Variants in NET1 observed in about 807,000 individuals in gnomAD.
NET1 encodes the protein neuroepithelial cell transforming 1.
Under a neutral mutation model 61.1 loss-of-function variants are expected in NET1, and 42 were observed. That is an observed-to-expected ratio of 0.69 (90% CI 0.54 to 0.89). The LOEUF (loss-of-function observed/expected upper bound fraction) is 0.89. Among genes scored for constraint, NET1 ranks in the 40% least tolerant of loss-of-function variants. NET1 has a pLI of 0.00. For synonymous variants in NET1, 254 were observed against 281.8 expected (o/e 0.90, Z 0.99); for missense variants, 654 against 747.3 (o/e 0.88, Z 1.46).
In NET1 at chr10:5,412,580, C is replaced by G. The variant is rs376475251; in HGVS notation, c.-113C>G. ...TCAAATCCCCGGATGACGGCGGTGGCGGCTGCAGTCCGCTGACAGGCGCTT... is the reference window on the plus strand; with the variant it reads ...TCAAATCCCCGGATGACGGCGGTGGGGGCTGCAGTCCGCTGACAGGCGCTT... On this transcript the variant is annotated 5_prime_UTR_variant, in exon 1 of 12. Coordinates refer to ENST00000355029, the MANE Select transcript of NET1 (RefSeq NM_001047160.3). This position sits in a 1 kb window ranked among gnomAD's most constrained non-coding sequence, Gnocchi z 6.5. 3 of 1,157,820 alleles carry G rather than the reference C, an allele frequency of 2.6e-6. No individual in the cohort carries two copies. The highest frequency in any genetic ancestry group is 1.6e-5 in the African/African-American group (1 of 60,888). 71.7% of individuals were successfully genotyped at this position (1,157,820 alleles called of 1,614,324 possible). A position where few individuals can be genotyped will look rare whatever the true frequency, so the allele number is the denominator to read the frequency against.
chr10:5,446,829 G>A lies in NET1; in HGVS notation c.256-5001G>A, dbSNP rs1433883340. 6.2e-7 allele frequency: 1 copy of A among 1,611,710 alleles called. No homozygotes were observed. Among genetic ancestry groups the A allele is most frequent in the Non-Finnish European group, 8.5e-7 (1 of 1,178,644 alleles). Reference sequence around the variant, plus strand: ...TAAAAGGACCATACGAGTCCTAGATGTCAATAACCAGTCCTTCAGAGAACA... The same window carrying A: ...TAAAAGGACCATACGAGTCCTAGATATCAATAACCAGTCCTTCAGAGAACA... On this transcript the variant is annotated intron_variant, in intron 3 of 11. Transcript: ENST00000355029. This position sits in a 1 kb window ranked among gnomAD's most constrained non-coding sequence, Gnocchi z 5.0.
At chr10:5,413,660 G>A (rs986082121) in intron 1 of NET1, among the ~76,000 whole-genome samples, 6 of 152,138 alleles carry the variant, frequency 3.9e-5, no homozygotes, top group African/African-American at 1.4e-4. Context: ...ATAAGATGAG[G>A]ATTAAGCTAG....
At chr10:5,434,080 A>G (rs1832388083) in intron 3 of NET1, among the ~76,000 whole-genome samples, 1 of 152,082 alleles carries the variant, frequency 6.6e-6, no homozygotes, top group Non-Finnish European at 1.5e-5. Context: ...GTTTCCTTAT[A>G]ATAGTTTTAA....
In NET1 at chr10:5,416,208, G is replaced by A. The variant is rs1832080454; in HGVS notation, c.128+3388G>A. Among the ~76,000 whole-genome samples the A allele has an allele frequency of 6.6e-6, 1 of 152,194 alleles. No homozygotes were observed. The highest frequency in any genetic ancestry group is 2.1e-4 in the South Asian group (1 of 4,828). On this transcript the variant is annotated intron_variant, in intron 1 of 11. Coordinates refer to ENST00000355029, the MANE Select transcript of NET1 (RefSeq NM_001047160.3). The surrounding 1 kb of genome is among the most constrained non-coding windows in gnomAD (Gnocchi z 6.1). ...TCAAAAATCAGTTGACCTTAAGCAT[G>A]AGAGTTTATTTTTAGACTTTGACTT...
intron 3 of NET1, among the ~76,000 whole-genome samples, chr10:5,448,625 A>G (rs1244676818): frequency 2.0e-5 from 3 of 148,488 alleles, no homozygotes; most frequent in East Asian, 4.0e-4. Context: ...TTCATTGAGC[A>G]TGTAAAGCTT....
rs1832611595 is a variant in NET1, at chr10:5,446,539, C to G, written c.256-5291C>G. On this transcript the variant is annotated intron_variant, in intron 3 of 11. Transcript: ENST00000355029. This position sits in a 1 kb window ranked among gnomAD's most constrained non-coding sequence, Gnocchi z 5.0. ...TGAAGTCACGTGGTGGTGGACCCCG[C>G]CCCCAGGGCCCGGTTGGCTGTGGCC... 8.8e-7 allele frequency: 1 copy of G among 1,134,000 alleles called. No homozygotes were observed. The highest frequency in any genetic ancestry group is 4.8e-5 in the Admixed American group (1 of 20,726). 70.2% of individuals were successfully genotyped at this position (1,134,000 alleles called of 1,614,324 possible). A position where few individuals can be genotyped will look rare whatever the true frequency, so the allele number is the denominator to read the frequency against.
chr10:5,419,239 A>T (rs1832128141), intron 1 of NET1, among the ~76,000 whole-genome samples: 1 of 151,566 alleles, frequency 6.6e-6, no homozygotes, highest in Non-Finnish European at 1.5e-5. Context: ...TTATCCCTTT[A>T]TTTTCAAGCT....
In NET1 at chr10:5,453,974, A is replaced by G. The variant is rs1233181037; in HGVS notation, c.769-291A>G. 6.6e-6 allele frequency among the ~76,000 whole-genome samples: 1 copy of G among 152,172 alleles called. No homozygotes were observed. The highest frequency in any genetic ancestry group is 1.9e-4 in the East Asian group (1 of 5,188). ...CATAAACAGTCTCAGGGCTGGTGGC[A>G]AATGGAGGACACTCAAGTGTCCTGG... On this transcript the variant is annotated intron_variant, in intron 8 of 11. Coordinates refer to ENST00000355029, the MANE Select transcript of NET1 (RefSeq NM_001047160.3). This position sits in a 1 kb window ranked among gnomAD's most constrained non-coding sequence, Gnocchi z 4.9.
In NET1 at chr10:5,426,250, T is replaced by G. The variant is rs1003227687; in HGVS notation, c.129-405T>G. ...TGTTAAGAGTATCCTTTTATTTTTG[T>G]TTTTTAAAATACTATACGTGAATAT... On this transcript the variant is annotated intron_variant, in intron 1 of 11. Transcript: ENST00000355029. The surrounding 1 kb of genome is among the most constrained non-coding windows in gnomAD (Gnocchi z 4.6). Among the ~76,000 whole-genome samples the G allele has an allele frequency of 1.3e-5, 2 of 152,174 alleles. No homozygotes were observed. The highest frequency in any genetic ancestry group is 2.9e-5 in the Non-Finnish European group (2 of 68,018).
At position 5,451,324 on chromosome 10, in the gene NET1, G is replaced by C. The variant is rs1218703143; in HGVS notation, c.256-506G>C. ...TGATTGAAAGGTTGTATTTTCTAAC[G>C]GAAGTAGTTAAGAATGAAATGATAC... On this transcript the variant is annotated intron_variant, in intron 3 of 11. Transcript: ENST00000355029. The surrounding 1 kb of genome is among the most constrained non-coding windows in gnomAD (Gnocchi z 6.1). Among the ~76,000 whole-genome samples, 1 of 152,002 alleles carries C rather than the reference G, an allele frequency of 6.6e-6. No individual in the cohort carries two copies. Among genetic ancestry groups the C allele is most frequent in the Non-Finnish European group, 1.5e-5 (1 of 68,014 alleles).
Position 5,453,410 on chromosome 10 carries a change from A to G in NET1, c.691+64A>G. 1 of 1,581,182 alleles carries G rather than the reference A, an allele frequency of 6.3e-7. No homozygotes were observed. The highest frequency in any genetic ancestry group is 8.7e-7 in the Non-Finnish European group (1 of 1,149,882). On this transcript the variant is annotated intron_variant, in intron 7 of 11. Coordinates refer to ENST00000355029, the MANE Select transcript of NET1 (RefSeq NM_001047160.3). This position sits in a 1 kb window ranked among gnomAD's most constrained non-coding sequence, Gnocchi z 4.9. ...CAGCGGTGCATGTAATTTTCAGTCTAAACTTCTAATGTAGTGCTGACCTAT... is the reference window on the plus strand; with the variant it reads ...CAGCGGTGCATGTAATTTTCAGTCTGAACTTCTAATGTAGTGCTGACCTAT...
Position 5,424,783 on chromosome 10 carries a change from G to A in NET1, c.129-1872G>A, listed in dbSNP as rs560812664. ...AAGAACCTTGGTAATAACTGAACAG[G>A]TTTAGGGAGGAAAAGGGGAAAGTCT... On this transcript the variant is annotated intron_variant, in intron 1 of 11. Transcript: ENST00000355029. The surrounding 1 kb of genome is among the most constrained non-coding windows in gnomAD (Gnocchi z 6.1). 2.0e-5 allele frequency among the ~76,000 whole-genome samples: 3 copies of A among 152,226 alleles called. No homozygotes were observed. The South Asian group carries it at 6.2e-4, about 32-fold the overall frequency.
At chr10:5,445,333 G>A (rs779857079) in intron 3 of NET1, among the ~76,000 whole-genome samples, 34 of 152,110 alleles carry the variant, frequency 2.2e-4, no homozygotes, top group Non-Finnish European at 4.3e-4. Flanking sequence ...ACCTGAAGTG[G>A]TTTCTCTTCC....
rs200945121 is a variant in NET1, at chr10:5,456,560, C to CT, written c.1385-18dup. ...AATAAACCTTTTTTTAGCCTGATTT[C>CT]TTTTTTTTTTCCAATTTTTTTTTTC... On this transcript the variant is annotated intron_variant, in intron 11 of 11. Transcript: ENST00000355029. The surrounding 1 kb of genome is among the most constrained non-coding windows in gnomAD (Gnocchi z 7.0). The CT allele has an allele frequency of 5.9e-3, 7,869 of 1,338,594 alleles. 3 individuals carry two copies. The highest frequency in any genetic ancestry group is 7.0e-3 in the Non-Finnish European group (6,898 of 991,398). 82.9% of individuals were successfully genotyped at this position (1,338,594 alleles called of 1,614,324 possible). A position where few individuals can be genotyped will look rare whatever the true frequency, so the allele number is the denominator to read the frequency against.
intron 2 of NET1, 87 bp from the exon 3 acceptor site, chr10:5,429,083 T>A: frequency 1.0e-6 from 1 of 993,420 alleles, no homozygotes; most frequent in Non-Finnish European, 1.5e-6. Context: ...TTTTTTAAAT[T>A]GATTTTTCTA....
Position 5,457,712 on chromosome 10 carries a change from A to ATG in NET1, c.*734_*735dup, listed in dbSNP as rs144365462. On this transcript the variant is annotated 3_prime_UTR_variant, in exon 12 of 12. Coordinates refer to ENST00000355029, the MANE Select transcript of NET1 (RefSeq NM_001047160.3). The surrounding 1 kb of genome is among the most constrained non-coding windows in gnomAD (Gnocchi z 5.4). ...TCTTCCTGATTAAAAATGTGTGTGT[A>ATG]TGTGTGTGTGTGTGTGTATATATAT... is the stretch of plus-strand genomic sequence containing the variant. 0.04 allele frequency: 5,991 copies of ATG among 150,782 alleles called. 196 individuals are homozygous for ATG. The highest frequency in any genetic ancestry group is 0.12 in the South Asian group (567 of 4,754). 9.3% of individuals were successfully genotyped at this position (150,782 alleles called of 1,614,324 possible).
rs1832165355 is a variant in NET1, at chr10:5,420,919, A to G, written c.129-5736A>G. On this transcript the variant is annotated intron_variant, in intron 1 of 11. Transcript: ENST00000355029. The surrounding 1 kb of genome is among the most constrained non-coding windows in gnomAD (Gnocchi z 5.3). ...AGCAAGGGTCTTTCTAAAGAACCCTAGGTTATACTACATGATTGAGAGCTC... is the reference window on the plus strand; with the variant it reads ...AGCAAGGGTCTTTCTAAAGAACCCTGGGTTATACTACATGATTGAGAGCTC... Among the ~76,000 whole-genome samples, 1 of 152,100 alleles carries G rather than the reference A, an allele frequency of 6.6e-6. No individual in the cohort carries two copies. Among genetic ancestry groups the G allele is most frequent in the African/African-American group, 2.4e-5 (1 of 41,420 alleles).
chr10:5,457,691 C>A lies in NET1; in HGVS notation c.*697C>A, dbSNP rs1400674790. On this transcript the variant is annotated 3_prime_UTR_variant, in exon 12 of 12. Transcript: ENST00000355029. The surrounding 1 kb of genome is among the most constrained non-coding windows in gnomAD (Gnocchi z 5.4). Reference sequence around the variant, plus strand: ...GGCATGTCTTTAAAGTATTTTTCTTCCTGATTAAAAATGTGTGTGTATGTG... The same window carrying A: ...GGCATGTCTTTAAAGTATTTTTCTTACTGATTAAAAATGTGTGTGTATGTG... The A allele has an allele frequency of 6.6e-6, 1 of 151,572 alleles. No homozygotes were observed. Among genetic ancestry groups the A allele is most frequent in the Non-Finnish European group, 1.5e-5 (1 of 67,806 alleles). 9.4% of individuals were successfully genotyped at this position (151,572 alleles called of 1,614,324 possible). A position where few individuals can be genotyped will look rare whatever the true frequency, so the allele number is the denominator to read the frequency against.
In NET1 at chr10:5,412,868, G is replaced by C. The variant is rs1337157010; in HGVS notation, c.128+48G>C. ...CCGAACGGGAGGTGAGTGTAGGGGAGCGGAGGGCCGAACGGGAGGTGAGTG... is the reference window on the plus strand; with the variant it reads ...CCGAACGGGAGGTGAGTGTAGGGGACCGGAGGGCCGAACGGGAGGTGAGTG... On this transcript the variant is annotated intron_variant, in intron 1 of 11. Coordinates refer to ENST00000355029, the MANE Select transcript of NET1 (RefSeq NM_001047160.3). This position sits in a 1 kb window ranked among gnomAD's most constrained non-coding sequence, Gnocchi z 6.5. The C allele has an allele frequency of 7.8e-7, 1 of 1,287,268 alleles. No individual in the cohort carries two copies. Among genetic ancestry groups the C allele is most frequent in the Non-Finnish European group, 9.9e-7 (1 of 1,008,464 alleles). 79.7% of individuals were successfully genotyped at this position (1,287,268 alleles called of 1,614,324 possible).
Sources: gnomAD v4.1 joint callset for allele counts (sites outside exome capture counted in the v4.1 genomes callset) on GRCh38, gnomAD v4.1.1 for gene constraint, Gnocchi (gnomAD v3.1) non-coding constraint, MANE v1.5 for transcripts, NCBI Gene and HGNC (gene_info 2026-07-23, HGNC 2026-07-21) for gene names.